The following HTR1F variants were observed in gnomAD, a reference collection of about 807,000 sequenced individuals.
HTR1F encodes the protein 5-hydroxytryptamine receptor 1F, also known as 5-hydroxytryptamine (serotonin) receptor 1F, G protein-coupled.
HTR1F carries 17 observed loss-of-function variants against 24.0 expected under a neutral mutation model. That is an observed-to-expected ratio of 0.71 (90% CI 0.48 to 1.06). The LOEUF (loss-of-function observed/expected upper bound fraction) is 1.06. Among genes scored for constraint, HTR1F ranks in the 50% least tolerant of loss-of-function variants. The probability of loss-of-function intolerance (pLI) is 0.00; values close to 1 mark genes in which losing one functional copy is unlikely to be tolerated. For missense variants in HTR1F, 391 were observed against 427.8 expected (o/e 0.91, Z 0.76); for synonymous variants, 186 against 156.8 (o/e 1.19, Z -1.39).
At chr3:87,988,892 A>C (rs1705740680) in intron 2 of HTR1F, among the ~76,000 whole-genome samples, 1 of 152,152 alleles carries the variant, frequency 6.6e-6, no homozygotes, top group East Asian at 1.9e-4. Flanking sequence ...GGTGTTTTAT[A>C]ATATACCTAA....
chr3:87,990,656 GAA>G, intron 2 of HTR1F, 50 bp from the exon 3 acceptor site: 2 of 876,050 alleles, frequency 2.3e-6, no homozygotes. Context: ...GAAAGGAAGA[GAA>G]AAGTTCTTGA....
chr3:87,897,236 T>TTATA (rs57031236), intron 2 of HTR1F, among the ~76,000 whole-genome samples: 2,634 of 146,548 alleles, frequency 0.018, 59 homozygotes, highest in African/African-American at 0.06. Context: ...TATAAATGTT[T>TTATA]TATATATATA....
intron 2 of HTR1F, among the ~76,000 whole-genome samples, chr3:87,884,467 T>C (rs901790880): frequency 7.2e-5 from 11 of 152,120 alleles, no homozygotes; most frequent in African/African-American, 2.4e-4. Context: ...CCAGCTAACA[T>C]CATAATGACA....
At chr3:87,976,870 C>T (rs1705406460) in intron 2 of HTR1F, among the ~76,000 whole-genome samples, 1 of 152,148 alleles carries the variant, frequency 6.6e-6, no homozygotes, top group African/African-American at 2.4e-5. Context: ...TTACATAATA[C>T]ATTATTATAT....
chr3:87,899,184 T>A (rs1206317604), intron 2 of HTR1F, among the ~76,000 whole-genome samples: 3 of 152,314 alleles, frequency 2.0e-5, no homozygotes, highest in Non-Finnish European at 4.4e-5. Context: ...GCAAGCCAAA[T>A]AATGTATTAA....
At chr3:87,798,539 CT>C (rs1703943189) in intron 1 of HTR1F, among the ~76,000 whole-genome samples, 1 of 151,976 alleles carries the variant, frequency 6.6e-6, no homozygotes, top group African/African-American at 2.4e-5. Context: ...CCTGACCCCC[CT>C]CCACCCGCCG....
chr3:87,823,800 C>G (rs1314481275), intron 2 of HTR1F, among the ~76,000 whole-genome samples: 1 of 152,128 alleles, frequency 6.6e-6, no homozygotes, highest in African/African-American at 2.4e-5. Flanking sequence ...TGGTTCACGC[C>G]TGTAACTTCA....
chr3:87,824,573 T>C (rs975325141), intron 2 of HTR1F, among the ~76,000 whole-genome samples: 1 of 152,218 alleles, frequency 6.6e-6, no homozygotes, highest in African/African-American at 2.4e-5. Flanking sequence ...ACAATTACTG[T>C]AAGCACTCAA....
intron 2 of HTR1F, among the ~76,000 whole-genome samples, chr3:87,889,669 T>C (rs1706036250): frequency 6.6e-6 from 1 of 152,148 alleles, no homozygotes; most frequent in African/African-American, 2.4e-5. Context: ...CTATATAAAA[T>C]TTGATTTTTT....
intron 2 of HTR1F, among the ~76,000 whole-genome samples, chr3:87,959,250 G>T (rs552197823): frequency 1.3e-5 from 2 of 151,734 alleles, no homozygotes; most frequent in South Asian, 2.1e-4. Flanking sequence ...TTTATGGTTG[G>T]AATAGTACCT....
At chr3:87,890,869 T>C (rs1253863056) in intron 2 of HTR1F, among the ~76,000 whole-genome samples, 1 of 147,142 alleles carries the variant, frequency 6.8e-6, no homozygotes, top group East Asian at 2.0e-4. Flanking sequence ...TGAGACAGAG[T>C]CTTGCTCTGT....
chr3:87,858,192 T>C (rs1705240466), intron 2 of HTR1F, among the ~76,000 whole-genome samples: 1 of 152,206 alleles, frequency 6.6e-6, no homozygotes, highest in Non-Finnish European at 1.5e-5. Flanking sequence ...CCCAATCTGT[T>C]GAGTGAAAGT....
At chr3:87,876,593 A>G (rs749995441) in intron 2 of HTR1F, among the ~76,000 whole-genome samples, 10 of 152,202 alleles carry the variant, frequency 6.6e-5, no homozygotes, top group Admixed American at 1.3e-4. Flanking sequence ...CAAAATGACA[A>G]AGACTGCATG....
chr3:87,928,346 T>C (rs1293720400), intron 2 of HTR1F, among the ~76,000 whole-genome samples: 1 of 152,132 alleles, frequency 6.6e-6, no homozygotes, highest in Non-Finnish European at 1.5e-5. Context: ...CGCTAGGCCC[T>C]TAATTTACTT....
chr3:87,844,273 G>C (rs1455621356), intron 2 of HTR1F, among the ~76,000 whole-genome samples: 1 of 151,268 alleles, frequency 6.6e-6, no homozygotes, highest in Admixed American at 6.6e-5. Context: ...TTTCTCTGAT[G>C]GCCAGTGATG....
intron 2 of HTR1F, among the ~76,000 whole-genome samples, chr3:87,847,967 A>C (rs1047900269): frequency 6.6e-6 from 1 of 151,960 alleles, no homozygotes; most frequent in Non-Finnish European, 1.5e-5. Flanking sequence ...TATCTTTGCA[A>C]TAAGCATGTG....
intron 2 of HTR1F, among the ~76,000 whole-genome samples, chr3:87,840,017 G>T (rs780987845): frequency 3.3e-5 from 5 of 152,048 alleles, no homozygotes; most frequent in Non-Finnish European, 5.9e-5. Flanking sequence ...CCGATGGACA[G>T]ATGGAAACTT....
intron 2 of HTR1F, among the ~76,000 whole-genome samples, chr3:87,935,997 C>T (rs1034205000): frequency 6.6e-6 from 1 of 151,922 alleles, no homozygotes; most frequent in Non-Finnish European, 1.5e-5. Flanking sequence ...ACTACAGGCG[C>T]CCACCACTAC....
chr3:87,935,730 G>A (rs946815170), intron 2 of HTR1F, among the ~76,000 whole-genome samples: 1 of 152,060 alleles, frequency 6.6e-6, no homozygotes, highest in Non-Finnish European at 1.5e-5. Flanking sequence ...AAAATTATGA[G>A]AGGTTTTATT....
Sources: gnomAD v4.1 joint callset for allele counts (sites outside exome capture counted in the v4.1 genomes callset) on GRCh38, gnomAD v4.1.1 for gene constraint, MANE v1.5 for transcripts, NCBI Gene and HGNC (gene_info 2026-07-23, HGNC 2026-07-21) for gene names.